The following PHLPP2 variants were observed in gnomAD, a reference collection of about 807,000 sequenced individuals.
PHLPP2 encodes the protein PH domain and leucine rich repeat protein phosphatase 2, also known as PH domain leucine-rich repeat-containing protein phosphatase 2.
A neutral mutation model predicts 124.9 loss-of-function variants in PHLPP2; 66 were observed. That is an observed-to-expected ratio of 0.53 (90% CI 0.43 to 0.65). The LOEUF is 0.65. PHLPP2 is among the 30% of genes least tolerant of loss of function. PHLPP2 has a pLI of 0.00. For synonymous variants in PHLPP2, 681 were observed against 624.7 expected (o/e 1.09, Z -1.34); for missense variants, 1,685 against 1,600.4 (o/e 1.05, Z -0.90).
intron 1 of PHLPP2, among the ~76,000 whole-genome samples, chr16:71,720,646 C>A (rs1346520628): frequency 1.3e-5 from 2 of 150,114 alleles, no homozygotes; most frequent in African/African-American, 4.9e-5. Context: ...AGGCGGATCA[C>A]CTGAGGCCAG....
chr16:71,648,783 CA>C lies in PHLPP2; in HGVS notation c.*106del, dbSNP rs374906434. The C allele has an allele frequency of 1.7e-3, 1,250 of 728,410 alleles. No homozygotes were observed. The highest frequency in any genetic ancestry group is 2.1e-3 in the South Asian group (102 of 48,942). 45.1% of individuals were successfully genotyped at this position (728,410 alleles called of 1,614,324 possible). ...AAGACTCCGTCTCAAAACAAACAAACAAAAAAAAAACGAACAAACAAAAAGA... is the reference window on the plus strand; with the variant it reads ...AAGACTCCGTCTCAAAACAAACAAACAAAAAAAAACGAACAAACAAAAAGA... On this transcript the variant is annotated 3_prime_UTR_variant, in exon 19 of 19. Transcript: ENST00000568954.
At chr16:71,680,503 T>A (rs1247669692) in intron 6 of PHLPP2, among the ~76,000 whole-genome samples, 3 of 152,224 alleles carry the variant, frequency 2.0e-5, no homozygotes, top group Non-Finnish European at 4.4e-5. Flanking sequence ...ATGGATCTCC[T>A]GGGTTTCTTC....
At position 71,699,744 on chromosome 16, in the gene PHLPP2, C is replaced by T. The variant is rs758871367; in HGVS notation, c.418+2854G>A. 8.5e-5 allele frequency among the ~76,000 whole-genome samples: 13 copies of T among 152,168 alleles called. No individual in the cohort carries two copies. The South Asian group carries it at 1.2e-3, about 15-fold the overall frequency. On this transcript the variant is annotated intron_variant, in intron 3 of 18. Transcript: ENST00000568954. ...GACCACTGACCTGGTAACACATTGC[C>T]GTCTGCAGATGAGAGAGGTAAGAGA...
intron 2 of PHLPP2, among the ~76,000 whole-genome samples, chr16:71,705,770 A>T (rs949212190): frequency 6.6e-6 from 1 of 152,164 alleles, no homozygotes; most frequent in African/African-American, 2.4e-5. Flanking sequence ...TTGGCCTCCC[A>T]AAGTGCTGGG....
chr16:71,648,883 G>GT lies in PHLPP2; in HGVS notation c.*6_*7insA, dbSNP rs759096889. 4 of 1,602,616 alleles carry GT rather than the reference G, an allele frequency of 2.5e-6. No individual in the cohort carries two copies. The highest frequency in any genetic ancestry group is 3.4e-6 in the Non-Finnish European group (4 of 1,171,662). ...AGCCTCCTCCCACACTGTGCCCAGT[G>GT]GGGCAGTCATAGTGCTGTGTCGAAC... On this transcript the variant is annotated 3_prime_UTR_variant, in exon 19 of 19. Transcript: ENST00000568954.
In PHLPP2 at chr16:71,676,455, C is replaced by T. The variant is rs1382872098; in HGVS notation, c.1463G>A (p.Ser488Asn). 1 of 1,613,270 alleles carries T rather than the reference C, an allele frequency of 6.2e-7. No homozygotes were observed. Among genetic ancestry groups the T allele is most frequent in the Non-Finnish European group, 8.5e-7 (1 of 1,179,402 alleles). ...SGFSLRTLYA[S>N]SNRLTAVNVY... ...CTGCAGAGAAAACTCACTGTTGGAA[C>T]TGGCATAGAGGGTCCGAAGGGAAAA... The change falls in exon 9 of 19, where the codon AGT becomes AAT. Residue 488 changes from serine to asparagine, a missense_variant. Coordinates refer to ENST00000568954, the MANE Select transcript of PHLPP2 (RefSeq NM_015020.3).
At position 71,658,376 on chromosome 16, in the gene PHLPP2, T is replaced by G. The variant is rs368432731; in HGVS notation, c.2149-13A>C. On this transcript the variant is annotated splice_polypyrimidine_tract_variant and intron_variant, in intron 14 of 18. Coordinates refer to ENST00000568954, the MANE Select transcript of PHLPP2 (RefSeq NM_015020.3). Reference sequence around the variant, plus strand: ...TTAGGTCTACAAACTAAGAAAAAATTGAGAAATCAAAAGAAAATACATCAC... The same window carrying G: ...TTAGGTCTACAAACTAAGAAAAAATGGAGAAATCAAAAGAAAATACATCAC... 2.0e-5 allele frequency: 32 copies of G among 1,610,148 alleles called. No homozygotes were observed. The East Asian group carries it at 4.7e-4, about 24-fold the overall frequency.
At chr16:71,702,973 T>A (rs1403554628) in intron 2 of PHLPP2, among the ~76,000 whole-genome samples, 2 of 152,130 alleles carry the variant, frequency 1.3e-5, no homozygotes, top group Non-Finnish European at 2.9e-5. Context: ...CTTCTGCTTT[T>A]CCAATGTCTA....
chr16:71,709,583 C>T (rs2045310319), intron 2 of PHLPP2, among the ~76,000 whole-genome samples: 1 of 152,220 alleles, frequency 6.6e-6, no homozygotes, highest in Non-Finnish European at 1.5e-5. Flanking sequence ...CACTAAGCTT[C>T]ACTAGTGAGT....
rs1036205788 is a variant in PHLPP2, at chr16:71,645,792, T to C, written c.*3098A>G. The C allele has an allele frequency of 1.3e-5, 2 of 152,962 alleles. No individual in the cohort carries two copies. Among genetic ancestry groups the C allele is most frequent in the Non-Finnish European group, 2.9e-5 (2 of 68,054 alleles). 9.5% of individuals were successfully genotyped at this position (152,962 alleles called of 1,614,324 possible). The stretch of plus-strand genomic sequence containing the variant: ...TTCACAGTAGTACAATAAAGCCCTG[T>C]ATCAGGAGTGGTAATTCAATGACTT... On this transcript the variant is annotated 3_prime_UTR_variant, in exon 19 of 19. Coordinates refer to ENST00000568954, the MANE Select transcript of PHLPP2 (RefSeq NM_015020.3).
rs569978590 is a variant in PHLPP2, at chr16:71,699,719, G to C, written c.418+2879C>G. Among the ~76,000 whole-genome samples the C allele has an allele frequency of 8.5e-5, 13 of 152,308 alleles. No homozygotes were observed. The East Asian group carries it at 2.5e-3, about 29-fold the overall frequency. On this transcript the variant is annotated intron_variant, in intron 3 of 18. Transcript: ENST00000568954. ...GCCGCCCTACGCAACAAGGCAAAGG[G>C]ACCACTGACCTGGTAACACATTGCC...
intron 2 of PHLPP2, among the ~76,000 whole-genome samples, chr16:71,705,429 T>G (rs182440068): frequency 6.6e-6 from 1 of 152,366 alleles, no homozygotes; most frequent in African/African-American, 2.4e-5. Context: ...CTGACATATT[T>G]TACACAACCA....
chr16:71,717,693 T>A (rs1205206207), intron 1 of PHLPP2, among the ~76,000 whole-genome samples: 1 of 152,194 alleles, frequency 6.6e-6, no homozygotes, highest in African/African-American at 2.4e-5. Context: ...TGGGAAAGAT[T>A]AACTGGACCA....
intron 6 of PHLPP2, among the ~76,000 whole-genome samples, chr16:71,681,203 G>T (rs1368540613): frequency 1.3e-5 from 2 of 152,136 alleles, no homozygotes; most frequent in Admixed American, 6.5e-5. Context: ...GGAGGAATGA[G>T]GTGGGATGAG....
intron 2 of PHLPP2, among the ~76,000 whole-genome samples, chr16:71,705,820 A>G (rs995220369): frequency 1.3e-5 from 2 of 152,204 alleles, no homozygotes; most frequent in Non-Finnish European, 2.9e-5. Context: ...CTCCTTATAC[A>G]TATCTACCGT....
In PHLPP2 at chr16:71,649,908, T is replaced by A. The variant is rs1250611283; in HGVS notation, c.2954A>T (p.Lys985Ile). Residue 985 changes from lysine to isoleucine, a missense_variant, in exon 19 of 19, where the codon AAA becomes ATA. Lys to Ile is a moderately radical substitution (Grantham distance 102, BLOSUM62 -3). Coordinates refer to ENST00000568954, the MANE Select transcript of PHLPP2 (RefSeq NM_015020.3). ...IQDELLILGN[K>I]ALWEHLSYTE... ...GTAGGACAAGTGTTCCCACAATGCT[T>A]TGTTTCCCAGAATCAGCAACTCATC... 6.2e-7 allele frequency: 1 copy of A among 1,614,112 alleles called. No homozygotes were observed. Among genetic ancestry groups the A allele is most frequent in the Non-Finnish European group, 8.5e-7 (1 of 1,180,050 alleles).
At chr16:71,669,007 G>A (rs1330334417) in intron 11 of PHLPP2, among the ~76,000 whole-genome samples, 1 of 152,130 alleles carries the variant, frequency 6.6e-6, no homozygotes, top group Non-Finnish European at 1.5e-5. Context: ...TTACTATCAT[G>A]TCACCAACCT....
intron 3 of PHLPP2, among the ~76,000 whole-genome samples, chr16:71,692,213 G>T (rs998191384): frequency 1.3e-5 from 2 of 152,012 alleles, no homozygotes; most frequent in African/African-American, 4.8e-5. Context: ...GGGACTACAA[G>T]CACCCGCCAA....
At chr16:71,662,408 C>T (rs948721087) in intron 13 of PHLPP2, among the ~76,000 whole-genome samples, 13 of 151,708 alleles carry the variant, frequency 8.6e-5, no homozygotes, top group Admixed American at 8.5e-4. Flanking sequence ...CCAGCCTGGC[C>T]AACAGAGCAA....
Sources: allele counts gnomAD v4.1 joint callset (sites outside exome capture counted in the v4.1 genomes callset), GRCh38; gene constraint gnomAD v4.1.1; transcripts MANE v1.5; gene names NCBI Gene and HGNC (gene_info 2026-07-23, HGNC 2026-07-21).